TMPRSS11A: variants seen among roughly 807,000 people sequenced by gnomAD.
TMPRSS11A encodes transmembrane serine protease 11A, also known as transmembrane protease serine 11A.
Under a neutral mutation model 58.9 loss-of-function variants are expected in TMPRSS11A, and 53 were observed. The observed-to-expected ratio is 0.90, with a 90% CI of 0.72 to 1.13. TMPRSS11A has a LOEUF of 1.13. TMPRSS11A is among the 50% of genes most tolerant of loss of function. The pLI, the probability that TMPRSS11A is intolerant of heterozygous loss-of-function variation, is 0.00. For missense variants in TMPRSS11A, 493 were observed against 499.3 expected (o/e 0.99, Z 0.12); for synonymous variants, 167 against 169.8 (o/e 0.98, Z 0.13).
chr4:67,960,700 T>C (rs1721401651), intron 1 of TMPRSS11A, among the ~76,000 whole-genome samples: 1 of 152,186 alleles, frequency 6.6e-6, no homozygotes, highest in Admixed American at 6.5e-5. Context: ...AATTTTAGAA[T>C]ATATTAGGAA....
intron 1 of TMPRSS11A, 43 bp downstream of exon 1, chr4:67,963,340 C>CA (rs777237836): frequency 5.0e-6 from 8 of 1,610,162 alleles, no homozygotes. Context: ...CACTGACAGA[C>CA]AGTACATCAA....
intron 1 of TMPRSS11A, among the ~76,000 whole-genome samples, chr4:67,954,623 C>T (rs1475220738): frequency 6.6e-6 from 1 of 152,144 alleles, no homozygotes; most frequent in African/African-American, 2.4e-5. Flanking sequence ...TCTTAAATAG[C>T]ATTGAACTTA....
chr4:67,924,736 A>G (rs1160914823), intron 5 of TMPRSS11A, among the ~76,000 whole-genome samples: 1 of 152,168 alleles, frequency 6.6e-6, no homozygotes, highest in Non-Finnish European at 1.5e-5. Flanking sequence ...AAACCATCAG[A>G]TCTCATTCAC....
At chr4:67,940,551 A>G (rs1720855291) in intron 3 of TMPRSS11A, among the ~76,000 whole-genome samples, 1 of 152,112 alleles carries the variant, frequency 6.6e-6, no homozygotes, top group Admixed American at 6.5e-5. Flanking sequence ...AGAGTCTCAG[A>G]CGATCTTTTG....
rs568566693 is a variant in TMPRSS11A, at chr4:67,918,968, C to T, written c.952+5G>A. The T allele has an allele frequency of 2.5e-6, 4 of 1,613,930 alleles. No homozygotes were observed. The East Asian group carries it at 8.9e-5, about 36-fold the overall frequency. ...GCGCTCTGTTAGCTATCCTGAGATA[C>T]CCACCACCATAGTAAAGTGCTCCAA... On this transcript the variant is annotated splice_donor_5th_base_variant and intron_variant, in intron 8 of 9. Coordinates refer to ENST00000508048, the MANE Select transcript of TMPRSS11A (RefSeq NM_001114387.2).
rs1560577730 is a variant in TMPRSS11A at position 67,963,272 on chromosome 4, A to G, written c.11+111T>C. The G allele has an allele frequency of 3.0e-6, 3 of 984,028 alleles. No homozygotes were observed. The East Asian group carries it at 7.8e-5, about 26-fold the overall frequency. 61.0% of individuals were successfully genotyped at this position (984,028 alleles called of 1,614,324 possible). A position where few individuals can be genotyped will look rare whatever the true frequency, so the allele number is the denominator to read the frequency against. ...CCAGAAATTTAAAAAAATCCAGTGC[A>G]GATTGAATCCACCAAAGACACCTCA... On this transcript the variant is annotated intron_variant, in intron 1 of 9. Coordinates refer to ENST00000508048, the MANE Select transcript of TMPRSS11A (RefSeq NM_001114387.2).
At chr4:67,936,334 G>GT (rs33950733) in intron 3 of TMPRSS11A, among the ~76,000 whole-genome samples, 3,389 of 142,838 alleles carry the variant, frequency 0.024, 112 homozygotes, top group African/African-American at 0.073. Context: ...AACTCTAGGT[G>GT]TTTTTTTTTT....
chr4:67,936,334 G>GTTT (rs33950733), intron 3 of TMPRSS11A, among the ~76,000 whole-genome samples: 1,471 of 142,826 alleles, frequency 0.01, 27 homozygotes, highest in African/African-American at 0.031. Context: ...AACTCTAGGT[G>GTTT]TTTTTTTTTT....
chr4:67,929,739 A>T (rs928011496), intron 5 of TMPRSS11A, 141 bp downstream of exon 5: 3 of 790,250 alleles, frequency 3.8e-6, no homozygotes, highest in Middle Eastern at 3.7e-4. Flanking sequence ...TACACCTTGA[A>T]ATGTCACATC....
At chr4:67,962,835 A>C (rs984826113) in intron 1 of TMPRSS11A, among the ~76,000 whole-genome samples, 1 of 152,238 alleles carries the variant, frequency 6.6e-6, no homozygotes, top group African/African-American at 2.4e-5. Flanking sequence ...ATTGTAGAGA[A>C]TAGGCATGTT....
At position 67,911,196 on chromosome 4, in the gene TMPRSS11A, T is replaced by G. The variant is rs925585358; in HGVS notation, c.*146A>C. 30 of 674,388 alleles carry G rather than the reference T, an allele frequency of 4.4e-5. No homozygotes were observed. Among genetic ancestry groups the G allele is most frequent in the Non-Finnish European group, 6.2e-5 (26 of 422,230 alleles). 41.8% of individuals were successfully genotyped at this position (674,388 alleles called of 1,614,324 possible). A position where few individuals can be genotyped will look rare whatever the true frequency, so the allele number is the denominator to read the frequency against. On this transcript the variant is annotated 3_prime_UTR_variant, in exon 10 of 10. Transcript: ENST00000508048. The stretch of plus-strand genomic sequence containing the variant: ...GCTAAGGATTATTGGTTGATTAAAG[T>G]GATTCTAAATAACTTACGTTGTGTG...
intron 1 of TMPRSS11A, among the ~76,000 whole-genome samples, chr4:67,954,962 C>A (rs1391738155): frequency 1.3e-5 from 2 of 152,112 alleles, no homozygotes; most frequent in African/African-American, 4.8e-5. Context: ...GAGATGTTAT[C>A]ATTCTTTTTA....
At chr4:67,914,499 G>A in intron 9 of TMPRSS11A, 89 bp downstream of exon 9, 1 of 1,242,458 alleles carries the variant, frequency 8.0e-7, no homozygotes, top group Admixed American at 2.1e-5. Context: ...TGATATCTAT[G>A]TTTTGTCCTT....
Position 67,914,534 on chromosome 4 carries a change from T to A in TMPRSS11A, c.1095+54A>T, listed in dbSNP as rs550911545. The stretch of plus-strand genomic sequence containing the variant: ...TATGTAAAGAACATATAATATATTC[T>A]GAGCCAGATACAAATTTTTGAGTTA... On this transcript the variant is annotated intron_variant, in intron 9 of 9. Coordinates refer to ENST00000508048, the MANE Select transcript of TMPRSS11A (RefSeq NM_001114387.2). The A allele has an allele frequency of 1.4e-4, 208 of 1,535,612 alleles. No homozygotes were observed. The African/African-American group carries it at 2.7e-3, about 20-fold the overall frequency.
In TMPRSS11A at chr4:67,909,843, T is replaced by C. The variant is rs1034218004; in HGVS notation, c.*1499A>G. The C allele has an allele frequency of 6.6e-6, 1 of 152,096 alleles. No homozygotes were observed. The highest frequency in any genetic ancestry group is 6.5e-5 in the Admixed American group (1 of 15,268). 9.4% of individuals were successfully genotyped at this position (152,096 alleles called of 1,614,324 possible). On this transcript the variant is annotated 3_prime_UTR_variant, in exon 10 of 10. Transcript: ENST00000508048. ...GTATATTGGCCTATGTGACATGCAA[T>C]CTCTTCTCAGCTTTAAAATTCTATG...
intron 7 of TMPRSS11A, among the ~76,000 whole-genome samples, chr4:67,921,422 C>T (rs1191068671): frequency 1.3e-5 from 2 of 152,130 alleles, no homozygotes; most frequent in Non-Finnish European, 2.9e-5. Flanking sequence ...GAGCCTCAAA[C>T]TCCTGGGCTT....
At chr4:67,952,034 G>A (rs1721172962) in intron 1 of TMPRSS11A, among the ~76,000 whole-genome samples, 2 of 152,052 alleles carry the variant, frequency 1.3e-5, no homozygotes, top group South Asian at 2.1e-4. Context: ...TATCTGTCTG[G>A]GTATGCTATG....
intron 3 of TMPRSS11A, among the ~76,000 whole-genome samples, chr4:67,934,759 C>T (rs1319166127): frequency 5.9e-5 from 9 of 152,030 alleles, no homozygotes; most frequent in Non-Finnish European, 1.5e-5. Context: ...ACAGACTCGC[C>T]CAGCCATTCA....
Position 67,914,617 on chromosome 4 carries a change from A to G in TMPRSS11A, c.1066T>C (p.Tyr356His), listed in dbSNP as rs752881794. Residue 356 changes from tyrosine (Y) to histidine (H), a missense_variant, in exon 9 of 10, where the codon TAT becomes CAT. Coordinates refer to ENST00000508048, the MANE Select transcript of TMPRSS11A (RefSeq NM_001114387.2). ...DIKPGMFCAG[Y>H]MEGIYDACRG... Reference sequence around the variant, plus strand: ...CAGGCATCATAAATTCCTTCCATATATCCGGCACAGAACATTCCAGGTTTT... The same window carrying G: ...CAGGCATCATAAATTCCTTCCATATGTCCGGCACAGAACATTCCAGGTTTT... 1 of 1,613,800 alleles carries G rather than the reference A, an allele frequency of 6.2e-7. No homozygotes were observed. The highest frequency in any genetic ancestry group is 1.1e-5 in the South Asian group (1 of 91,052).
Sources: allele counts gnomAD v4.1 joint callset (sites outside exome capture counted in the v4.1 genomes callset), GRCh38; gene constraint gnomAD v4.1.1; transcripts MANE v1.5; gene names NCBI Gene and HGNC (gene_info 2026-07-23, HGNC 2026-07-21).